The following RBM38 variants were observed in gnomAD, a reference collection of about 807,000 sequenced individuals.
RBM38 encodes the protein RNA-binding protein 38.
RBM38 carries 11 observed loss-of-function variants against 23.5 expected under a neutral mutation model. That is an observed-to-expected ratio of 0.47 (90% CI 0.29 to 0.77). RBM38 has a LOEUF of 0.77. Among genes scored for constraint, RBM38 ranks in the 30% least tolerant of loss-of-function variants. The pLI, the probability that RBM38 is intolerant of heterozygous loss-of-function variation, is 0.08. For missense variants in RBM38, 330 were observed against 351.9 expected (o/e 0.94, Z 0.50); for synonymous variants, 165 against 166.1 (o/e 0.99, Z 0.05).
At chr20:57,406,964 A>G (rs1231090614) in intron 3 of RBM38, among the ~76,000 whole-genome samples, 2 of 150,280 alleles carry the variant, frequency 1.3e-5, no homozygotes, top group Middle Eastern at 3.4e-3. Context: ...ACTGCACTCC[A>G]GCCTGGGGAA....
chr20:57,409,310 A>G lies in RBM38; in HGVS notation c.*1464A>G, dbSNP rs530295103. On this transcript the variant is annotated 3_prime_UTR_variant, in exon 4 of 4. Coordinates refer to ENST00000356208, the MANE Select transcript of RBM38 (RefSeq NM_017495.6). ...TTAGAATGTTCTGATGATAAAAATAAAACTTGTTTTCTTTAAAGAAAAAGT... is the reference window on the plus strand; with the variant it reads ...TTAGAATGTTCTGATGATAAAAATAGAACTTGTTTTCTTTAAAGAAAAAGT... 1 of 152,512 alleles carries G rather than the reference A, an allele frequency of 6.6e-6. No individual in the cohort carries two copies. The highest frequency in any genetic ancestry group is 1.9e-4 in the East Asian group (1 of 5,186). 9.4% of individuals were successfully genotyped at this position (152,512 alleles called of 1,614,324 possible). A position where few individuals can be genotyped will look rare whatever the true frequency, so the allele number is the denominator to read the frequency against.
rs762633501 is a variant in RBM38 at position 57,393,318 on chromosome 20, T to C, written c.401T>C (p.Ile134Thr). ...GTGCAGCAGCTGCACCCCACCTTGA[T>C]CCAGCGGACTTACGGGTGAGTGGAC... ...IGVQQLHPTL[I>T]QRTYGLTPHY... The change falls in exon 3 of 4, where the codon ATC becomes ACC. Residue 134 changes from isoleucine to threonine, a missense_variant. This residue lies in a region of RBM38 where 227 missense variants were observed against 216.4 expected (regional missense o/e 1.05). Transcript: ENST00000356208. The C allele has an allele frequency of 1.2e-6, 2 of 1,613,862 alleles. No individual in the cohort carries two copies. The highest frequency in any genetic ancestry group is 8.5e-7 in the Non-Finnish European group (1 of 1,179,826).
At chr20:57,399,987 G>A (rs764541150) in intron 3 of RBM38, 2 of 456,164 alleles carry the variant, frequency 4.4e-6, no homozygotes, top group African/African-American at 2.0e-5. Context: ...TTTTCGCTGC[G>A]AGTTCTGCTT....
chr20:57,405,574 G>A (rs1392777292), intron 3 of RBM38, among the ~76,000 whole-genome samples: 1 of 152,236 alleles, frequency 6.6e-6, no homozygotes, highest in East Asian at 1.9e-4. Context: ...GTAGTAGAGA[G>A]GGTGACGCAG....
At chr20:57,403,197 C>T (rs543161309) in intron 3 of RBM38, among the ~76,000 whole-genome samples, 4 of 152,346 alleles carry the variant, frequency 2.6e-5, no homozygotes, top group Admixed American at 6.5e-5. Context: ...GTTCTAGTGG[C>T]ACCTCTAGGC....
At chr20:57,397,969 C>T (rs2067291454) in intron 3 of RBM38, among the ~76,000 whole-genome samples, 1 of 152,154 alleles carries the variant, frequency 6.6e-6, no homozygotes, top group Admixed American at 6.5e-5. Flanking sequence ...TGTGATAAAG[C>T]TTCACAGTTT....
At chr20:57,400,950 C>T (rs972417027) in intron 3 of RBM38, among the ~76,000 whole-genome samples, 3 of 152,158 alleles carry the variant, frequency 2.0e-5, no homozygotes, top group Non-Finnish European at 2.9e-5. Context: ...TACAGAGGGC[C>T]GATTCCAAAG....
rs1240747611 is a variant in RBM38, at chr20:57,407,248, T to C, written c.417-295T>C. On this transcript the variant is annotated intron_variant, in intron 3 of 3. Transcript: ENST00000356208. The surrounding 1 kb of genome is among the most constrained non-coding windows in gnomAD (Gnocchi z 4.0). ...AACAACCATTCAAGATTTTTATTTTTGCACCAGCTCCGGGGATGTGGGGTG... is the reference window on the plus strand; with the variant it reads ...AACAACCATTCAAGATTTTTATTTTCGCACCAGCTCCGGGGATGTGGGGTG... Among the ~76,000 whole-genome samples the C allele has an allele frequency of 4.6e-5, 7 of 152,196 alleles. No individual in the cohort carries two copies. The highest frequency in any genetic ancestry group is 1.0e-4 in the Non-Finnish European group (7 of 68,022).
At chr20:57,393,493 T>A (rs2067242359) in intron 3 of RBM38, among the ~76,000 whole-genome samples, 160 bp downstream of exon 3, 2 of 152,198 alleles carry the variant, frequency 1.3e-5, no homozygotes, top group African/African-American at 4.8e-5. Flanking sequence ...CACTTCTCCA[T>A]CCCTGGCAGA....
chr20:57,397,898 C>G (rs6014985), intron 3 of RBM38, among the ~76,000 whole-genome samples: 1 of 152,188 alleles, frequency 6.6e-6, no homozygotes, highest in South Asian at 2.1e-4. Flanking sequence ...GAATGAGTGC[C>G]TGCGTGGGGA....
chr20:57,397,013 A>C (rs2067281428), intron 3 of RBM38, among the ~76,000 whole-genome samples: 1 of 152,220 alleles, frequency 6.6e-6, no homozygotes, highest in Admixed American at 6.5e-5. Flanking sequence ...TGAGATGAGA[A>C]GACAGGCTCC....
At position 57,392,788 on chromosome 20, in the gene RBM38, G is replaced by A; in HGVS notation, c.361+11G>A. ...GGAGCCTCCAGACGGGTGAGAGCTT[G>A]TGTTTTCCTGCCTGGCTCTTCTCGG... On this transcript the variant is annotated intron_variant, in intron 2 of 3. Transcript: ENST00000356208. The A allele has an allele frequency of 1.2e-6, 2 of 1,610,226 alleles. No homozygotes were observed. The highest frequency in any genetic ancestry group is 1.7e-6 in the Non-Finnish European group (2 of 1,178,922).
Position 57,407,996 on chromosome 20 carries a change from C to A in RBM38, c.*150C>A. The A allele has an allele frequency of 1.1e-6, 1 of 899,524 alleles. No homozygotes were observed. Among genetic ancestry groups the A allele is most frequent in the Non-Finnish European group, 1.6e-6 (1 of 607,150 alleles). 55.7% of individuals were successfully genotyped at this position (899,524 alleles called of 1,614,324 possible). On this transcript the variant is annotated 3_prime_UTR_variant, in exon 4 of 4. Transcript: ENST00000356208. This position sits in a 1 kb window ranked among gnomAD's most constrained non-coding sequence, Gnocchi z 4.0. Reference sequence around the variant, plus strand: ...GAAGACCGCTCGGGCATTCCGCCTGCGCCCTGGGACAGCGGAGAGACGGCT... The same window carrying A: ...GAAGACCGCTCGGGCATTCCGCCTGAGCCCTGGGACAGCGGAGAGACGGCT...
Position 57,408,079 on chromosome 20 carries a change from C to T in RBM38, c.*233C>T, listed in dbSNP as rs2067406866. 4 of 597,902 alleles carry T rather than the reference C, an allele frequency of 6.7e-6. No individual in the cohort carries two copies. In the South Asian group the frequency reaches 8.0e-5, roughly 12 times the overall value. The allele number at this position is 597,902 out of a possible 1,614,324, so 37.0% of individuals were successfully genotyped here. The stretch of plus-strand genomic sequence containing the variant: ...GGAGGACTTTAAGAATGACTGAGAA[C>T]TATTTAAAGACGCAATCCCAGGTTC... On this transcript the variant is annotated 3_prime_UTR_variant, in exon 4 of 4. Transcript: ENST00000356208.
chr20:57,395,117 G>C (rs898401216), intron 3 of RBM38, among the ~76,000 whole-genome samples: 3 of 152,222 alleles, frequency 2.0e-5, no homozygotes, highest in African/African-American at 7.2e-5. Context: ...GGCCTCCTCA[G>C]AAGTCCTCTC....
At chr20:57,400,828 G>A (rs1441169742) in intron 3 of RBM38, among the ~76,000 whole-genome samples, 2 of 152,102 alleles carry the variant, frequency 1.3e-5, no homozygotes, top group African/African-American at 4.8e-5. Flanking sequence ...TTCTGAGGCC[G>A]GAACTTGGAA....
At chr20:57,397,661 A>C (rs1003303219) in intron 3 of RBM38, among the ~76,000 whole-genome samples, 1 of 152,222 alleles carries the variant, frequency 6.6e-6, no homozygotes, top group African/African-American at 2.4e-5. Flanking sequence ...TGATGGGAAG[A>C]TGTCTGTCTC....
intron 3 of RBM38, among the ~76,000 whole-genome samples, chr20:57,396,774 G>A (rs73293809): frequency 0.026 from 3,921 of 152,278 alleles, 143 homozygotes; most frequent in African/African-American, 0.085. Context: ...AGTGGCATGA[G>A]GACCAGTATC....
chr20:57,401,241 A>C (rs2067325199), intron 3 of RBM38, among the ~76,000 whole-genome samples: 1 of 152,212 alleles, frequency 6.6e-6, no homozygotes, highest in African/African-American at 2.4e-5. Context: ...CAGAAGCAAT[A>C]GATCCTCACA....
Sources: allele counts gnomAD v4.1 joint callset (sites outside exome capture counted in the v4.1 genomes callset), GRCh38; gene constraint gnomAD v4.1.1; regional missense constraint gnomAD v4.1.1; non-coding constraint Gnocchi (gnomAD v3.1); transcripts MANE v1.5; gene names NCBI Gene and HGNC (gene_info 2026-07-23, HGNC 2026-07-21).